UBTD1: variants seen among roughly 807,000 people sequenced by gnomAD.
UBTD1 encodes the protein ubiquitin domain containing 1.
Under a neutral mutation model 21.7 loss-of-function variants are expected in UBTD1, and 19 were observed. The observed-to-expected ratio is 0.87, with a 90% CI of 0.61 to 1.28. The LOEUF is 1.28. UBTD1 is among the 50% of genes most tolerant of loss of function. UBTD1 has a pLI of 0.00. For missense variants in UBTD1, 282 were observed against 315.1 expected (o/e 0.89, Z 0.80); for synonymous variants, 116 against 135.1 (o/e 0.86, Z 0.98).
At chr10:97,528,818 G>A (rs1368865264) in intron 1 of UBTD1, among the ~76,000 whole-genome samples, 6 of 135,896 alleles carry the variant, frequency 4.4e-5, no homozygotes, top group South Asian at 2.4e-4. Context: ...CCGGGCAGAG[G>A]GGCTCCTCAC....
At position 97,570,189 on chromosome 10, in the gene UBTD1, T is replaced by C; in HGVS notation, c.350T>C (p.Ile117Thr). Residue 117 changes from isoleucine to threonine, a missense_variant, in exon 3 of 3, where the codon ATC (isoleucine) becomes ACC (threonine). Coordinates refer to ENST00000370664, the MANE Select transcript of UBTD1 (RefSeq NM_024954.5). This position sits in a 1 kb window ranked among gnomAD's most constrained non-coding sequence, Gnocchi z 6.6. The part of the protein sequence containing the change: ...DELGNRYQLP[I>T]YCLSPPVNLL... Reference sequence around the variant, plus strand: ...CTGGGCAATCGCTACCAGCTGCCCATCTACTGCCTGTCACCGCCGGTGAAC... The same window carrying C: ...CTGGGCAATCGCTACCAGCTGCCCACCTACTGCCTGTCACCGCCGGTGAAC... 6.2e-7 allele frequency: 1 copy of C among 1,612,966 alleles called. No homozygotes were observed. The highest frequency in any genetic ancestry group is 8.5e-7 in the Non-Finnish European group (1 of 1,179,814).
intron 1 of UBTD1, among the ~76,000 whole-genome samples, chr10:97,541,308 C>A (rs1328642110): frequency 6.6e-6 from 1 of 152,104 alleles, no homozygotes; most frequent in Non-Finnish European, 1.5e-5. Context: ...CAGATCTCAT[C>A]TCTACAAAAA....
chr10:97,531,560 C>T (rs1184136867), intron 1 of UBTD1, among the ~76,000 whole-genome samples: 1 of 152,118 alleles, frequency 6.6e-6, no homozygotes, highest in Admixed American at 6.5e-5. Context: ...CGACATATGT[C>T]ATCTTTTAAA....
Position 97,570,381 on chromosome 10 carries a change from A to C in UBTD1, c.542A>C (p.Gln181Pro). 6.2e-7 allele frequency: 1 copy of C among 1,613,358 alleles called. No individual in the cohort carries two copies. Among genetic ancestry groups the C allele is most frequent in the Non-Finnish European group, 8.5e-7 (1 of 1,180,000 alleles). The change falls in exon 3 of 3, where the codon CAG (glutamine) becomes CCG (proline). Residue 181 changes from glutamine (Q) to proline (P), a missense_variant. Coordinates refer to ENST00000370664, the MANE Select transcript of UBTD1 (RefSeq NM_024954.5). The surrounding 1 kb of genome is among the most constrained non-coding windows in gnomAD (Gnocchi z 6.6). ...CAGCTCAAGAGGCAGCTGCACGCCC[A>C]GGAGGGCATCGAGCCATCGTGGCAG... Reference protein sequence around the residue: ...VGQLKRQLHAQEGIEPSWQRW... With the variant: ...VGQLKRQLHAPEGIEPSWQRW...
intron 1 of UBTD1, among the ~76,000 whole-genome samples, chr10:97,558,408 A>G (rs1589882852): frequency 6.6e-6 from 1 of 152,184 alleles, no homozygotes. Context: ...GGTTTTGCTT[A>G]AGAGTTAGCT....
intron 1 of UBTD1, among the ~76,000 whole-genome samples, chr10:97,524,427 C>T (rs1177625432): frequency 6.6e-6 from 1 of 152,138 alleles, no homozygotes; most frequent in Admixed American, 6.5e-5. Context: ...CCCTGACTGG[C>T]ACACCTCCTT....
Position 97,553,275 on chromosome 10 carries a change from G to A in UBTD1, c.71-14639G>A, listed in dbSNP as rs377067413. Among the ~76,000 whole-genome samples, 11 of 152,310 alleles carry A rather than the reference G, an allele frequency of 7.2e-5. No homozygotes were observed. In the East Asian group the frequency reaches 1.4e-3, roughly 19 times the overall value. On this transcript the variant is annotated intron_variant, in intron 1 of 2. Transcript: ENST00000370664. ...GCCTCCTGAGTAGCTGGGATTACAG[G>A]CATGTGCCACCATGCCCGGCTAATT...
intron 1 of UBTD1, among the ~76,000 whole-genome samples, chr10:97,561,138 T>C (rs1452393987): frequency 6.6e-6 from 1 of 152,120 alleles, no homozygotes; most frequent in East Asian, 1.9e-4. Flanking sequence ...CGTGGGGGCC[T>C]GCTACGTGCT....
intron 1 of UBTD1, among the ~76,000 whole-genome samples, chr10:97,553,889 C>A (rs907902212): frequency 1.3e-5 from 2 of 152,160 alleles, no homozygotes; most frequent in African/African-American, 4.8e-5. Flanking sequence ...TTAATACTTG[C>A]AGAGGCTCAC....
Position 97,535,981 on chromosome 10 carries a change from A to ATTATTATTG in UBTD1, c.71-31925_71-31924insGTTATTATT, listed in dbSNP as rs147880731. Among the ~76,000 whole-genome samples the ATTATTATTG allele has an allele frequency of 9.0e-3, 1,327 of 147,052 alleles. 26 individuals are homozygous for ATTATTATTG. The highest frequency in any genetic ancestry group is 0.027 in the African/African-American group (1,094 of 40,466). On this transcript the variant is annotated intron_variant, in intron 1 of 2. Coordinates refer to ENST00000370664, the MANE Select transcript of UBTD1 (RefSeq NM_024954.5). ...TAGTTGGAGAGAAATTATTATTATT[A>ATTATTATTG]TTATTATTATTATTATTATTATTAT...
chr10:97,508,838 A>G lies in UBTD1; in HGVS notation c.70+9565A>G, dbSNP rs187813797. ...GGCTCGGTGTGCTAGAGGCAATAGA[A>G]TCTCAGCCAAGATTGTGTTCCTAAA... On this transcript the variant is annotated intron_variant, in intron 1 of 2. Coordinates refer to ENST00000370664, the MANE Select transcript of UBTD1 (RefSeq NM_024954.5). Among the ~76,000 whole-genome samples the G allele has an allele frequency of 5.9e-5, 9 of 152,264 alleles. No homozygotes were observed. In the East Asian group the frequency reaches 1.5e-3, roughly 26 times the overall value.
intron 1 of UBTD1, among the ~76,000 whole-genome samples, chr10:97,556,719 T>G (rs1306818559): frequency 6.6e-6 from 1 of 152,246 alleles, no homozygotes; most frequent in Admixed American, 6.5e-5. Flanking sequence ...TGGTGCCAAT[T>G]ACACAGCTAC....
rs753548877 is a variant in UBTD1 at position 97,570,479 on chromosome 10, G to C, written c.640G>C (p.Val214Leu). 7 of 1,611,124 alleles carry C rather than the reference G, an allele frequency of 4.3e-6. No homozygotes were observed. The highest frequency in any genetic ancestry group is 5.9e-6 in the Non-Finnish European group (7 of 1,178,526). Residue 214 changes from valine (V) to leucine (L), a missense_variant, in exon 3 of 3, where the codon GTC (valine) becomes CTC (leucine). Coordinates refer to ENST00000370664, the MANE Select transcript of UBTD1 (RefSeq NM_024954.5). This position sits in a 1 kb window ranked among gnomAD's most constrained non-coding sequence, Gnocchi z 6.6. ...LQETKIQKDF[V>L]IQVIINQPPP... ...GGAGACCAAGATCCAGAAAGATTTT[G>C]TCATCCAGGTCATCATCAACCAGCC...
intron 1 of UBTD1, among the ~76,000 whole-genome samples, chr10:97,557,393 CA>C (rs2040669664): frequency 6.6e-6 from 1 of 151,744 alleles, no homozygotes; most frequent in South Asian, 2.1e-4. Context: ...TTGTGATTAT[CA>C]ATTCTAAAAG....
chr10:97,504,098 C>T (rs1243329115), intron 1 of UBTD1, among the ~76,000 whole-genome samples: 1 of 151,948 alleles, frequency 6.6e-6, no homozygotes, highest in Non-Finnish European at 1.5e-5. Context: ...CTTTCTCTCA[C>T]ACTTCACATC....
chr10:97,517,813 A>G (rs763897544), intron 1 of UBTD1, among the ~76,000 whole-genome samples: 3 of 152,120 alleles, frequency 2.0e-5, no homozygotes, highest in Non-Finnish European at 4.4e-5. Context: ...GGAATGACCA[A>G]CTGCATAGGC....
intron 1 of UBTD1, among the ~76,000 whole-genome samples, chr10:97,544,304 A>AAAT (rs397714565): frequency 6.6e-6 from 1 of 150,722 alleles, no homozygotes; most frequent in African/African-American, 2.4e-5. Flanking sequence ...AAAAAAAAAA[A>AAAT]GGAATCTGGA....
At chr10:97,553,493 A>T (rs527658393) in intron 1 of UBTD1, among the ~76,000 whole-genome samples, 3 of 152,340 alleles carry the variant, frequency 2.0e-5, no homozygotes, top group East Asian at 3.9e-4. Context: ...TGCTTAGATG[A>T]AAAACTTCCT....
chr10:97,570,441 G>T lies in UBTD1; in HGVS notation c.602G>T (p.Arg201Leu). Residue 201 changes from arginine to leucine, a missense_variant, in exon 3 of 3, where the codon CGC (arginine) becomes CTC (leucine). Coordinates refer to ENST00000370664, the MANE Select transcript of UBTD1 (RefSeq NM_024954.5). This position sits in a 1 kb window ranked among gnomAD's most constrained non-coding sequence, Gnocchi z 6.6. ...TTCTCCGGGAAGCTGCTCACAGACC[G>T]CACACGGCTCCAGGAGACCAAGATC... ...WFFSGKLLTD[R>L]TRLQETKIQK... 1.2e-6 allele frequency: 2 copies of T among 1,613,198 alleles called. No individual in the cohort carries two copies. The highest frequency in any genetic ancestry group is 8.5e-7 in the Non-Finnish European group (1 of 1,179,932).
Sources: gnomAD v4.1 joint callset for allele counts (sites outside exome capture counted in the v4.1 genomes callset) on GRCh38, gnomAD v4.1.1 for gene constraint, Gnocchi (gnomAD v3.1) non-coding constraint, MANE v1.5 for transcripts, NCBI Gene and HGNC (gene_info 2026-07-23, HGNC 2026-07-21) for gene names.